Variants in PREX2 observed in about 807,000 individuals in gnomAD.
PREX2 encodes the protein phosphatidylinositol-3,4,5-trisphosphate dependent Rac exchange factor 2.
PREX2 carries 107 observed loss-of-function variants against 203.2 expected under a neutral mutation model. The ratio of observed to expected loss-of-function variants is 0.53; its 90% CI spans 0.45 to 0.62. PREX2 has a LOEUF of 0.62. Ranked by LOEUF, PREX2 falls within the 20% of genes least tolerant of loss-of-function variation. The pLI is 0.00. For missense variants in PREX2, 1,777 were observed against 1,955.9 expected (o/e 0.91, Z 1.72); for synonymous variants, 672 against 663.6 (o/e 1.01, Z -0.19).
At chr8:68,198,051 G>A (rs1812433476) in intron 37 of PREX2, among the ~76,000 whole-genome samples, 1 of 151,988 alleles carries the variant, frequency 6.6e-6, no homozygotes. Flanking sequence ...TAAAATCACT[G>A]TGTCAAAGAG....
chr8:68,206,275 C>T (rs971310654), intron 37 of PREX2, among the ~76,000 whole-genome samples: 6 of 152,226 alleles, frequency 3.9e-5, no homozygotes, highest in African/African-American at 1.2e-4. Context: ...AAAAGAGCAG[C>T]GTATGTGAAA....
In PREX2 at chr8:68,059,559, A is replaced by G. The variant is rs571291763; in HGVS notation, c.1239-1120A>G. Among the ~76,000 whole-genome samples the G allele has an allele frequency of 4.6e-5, 7 of 152,356 alleles. No homozygotes were observed. In the South Asian group the frequency reaches 1.0e-3, roughly 23 times the overall value. On this transcript the variant is annotated intron_variant, in intron 10 of 39. Transcript: ENST00000288368. ...CAAAACAATGTAGTAGAACTTTTCT[A>G]TGTCTTTTGGTGTACAGTAGTTTTC...
chr8:68,203,606 G>A (rs1812550829), intron 37 of PREX2, among the ~76,000 whole-genome samples: 1 of 152,148 alleles, frequency 6.6e-6, no homozygotes, highest in Non-Finnish European at 1.5e-5. Flanking sequence ...TATTCCAGGA[G>A]CAGGCATGGA....
intron 1 of PREX2, among the ~76,000 whole-genome samples, chr8:67,971,398 G>T (rs1282809313): frequency 2.0e-5 from 3 of 152,182 alleles, no homozygotes; most frequent in Non-Finnish European, 4.4e-5. Context: ...GGTGCGGGGA[G>T]AGAGGGTGGA....
At chr8:68,130,114 C>CAAAAAAAAA (rs71253064) in intron 31 of PREX2, among the ~76,000 whole-genome samples, 2 of 102,664 alleles carry the variant, frequency 1.9e-5, no homozygotes, top group East Asian at 2.8e-4. Flanking sequence ...CCTGCCTCTG[C>CAAAAAAAAA]AAAAAAAAAA....
intron 37 of PREX2, among the ~76,000 whole-genome samples, chr8:68,214,244 A>G (rs920880578): frequency 6.6e-6 from 1 of 152,120 alleles, no homozygotes; most frequent in Admixed American, 6.5e-5. Context: ...CACAAAAAAT[A>G]CAAAAGTTGG....
At chr8:68,180,189 A>T (rs1382430813) in intron 35 of PREX2, among the ~76,000 whole-genome samples, 1 of 151,786 alleles carries the variant, frequency 6.6e-6, no homozygotes, top group Non-Finnish European at 1.5e-5. Context: ...TCCTTTTCTC[A>T]CCCTTAAGAT....
At chr8:68,020,819 C>G (rs371496623) in intron 3 of PREX2, among the ~76,000 whole-genome samples, 1 of 152,188 alleles carries the variant, frequency 6.6e-6, no homozygotes, top group Non-Finnish European at 1.5e-5. Flanking sequence ...CCCTGACATC[C>G]ATTTCCTTAG....
chr8:68,028,831 A>T (rs1807803915), intron 5 of PREX2, among the ~76,000 whole-genome samples: 1 of 151,936 alleles, frequency 6.6e-6, no homozygotes, highest in Admixed American at 6.6e-5. Flanking sequence ...ATTCTAAATT[A>T]CTCATTTCTG....
chr8:68,139,185 AT>A (rs1811171397), intron 33 of PREX2, among the ~76,000 whole-genome samples: 1 of 152,216 alleles, frequency 6.6e-6, no homozygotes, highest in East Asian at 1.9e-4. Flanking sequence ...TGTGAAAGAT[AT>A]ATAGGGAAAC....
At chr8:68,137,717 A>G (rs1463028899) in intron 32 of PREX2, among the ~76,000 whole-genome samples, 1 of 152,252 alleles carries the variant, frequency 6.6e-6, no homozygotes, top group East Asian at 1.9e-4. Flanking sequence ...TAGTACCAGA[A>G]AGATGACATC....
intron 15 of PREX2, among the ~76,000 whole-genome samples, chr8:68,078,313 A>G (rs1386589488): frequency 6.6e-6 from 1 of 152,072 alleles, no homozygotes. Context: ...CTACAAGTGC[A>G]TGCCACCACG....
intron 31 of PREX2, among the ~76,000 whole-genome samples, chr8:68,128,886 G>A (rs16934193): frequency 0.044 from 6,655 of 152,228 alleles, 428 homozygotes; most frequent in African/African-American, 0.14. Context: ...TGAATGGACC[G>A]AGTTAACCAA....
chr8:68,001,078 CA>C (rs917366140), intron 1 of PREX2, among the ~76,000 whole-genome samples: 7 of 152,128 alleles, frequency 4.6e-5, no homozygotes, highest in African/African-American at 1.7e-4. Context: ...GCAATCATAA[CA>C]AAAGCAAAAA....
intron 7 of PREX2, among the ~76,000 whole-genome samples, chr8:68,040,297 A>G (rs1808159463): frequency 6.6e-6 from 1 of 151,988 alleles, no homozygotes; most frequent in African/African-American, 2.4e-5. Context: ...AAGTGCTGGG[A>G]CTATAGGCGT....
intron 37 of PREX2, among the ~76,000 whole-genome samples, chr8:68,212,331 A>T (rs956701544): frequency 6.6e-6 from 1 of 152,194 alleles, no homozygotes; most frequent in Non-Finnish European, 1.5e-5. Flanking sequence ...ACCTGATATT[A>T]TTCATCTGCT....
intron 37 of PREX2, among the ~76,000 whole-genome samples, chr8:68,193,219 A>T (rs1240875741): frequency 6.6e-6 from 1 of 152,234 alleles, no homozygotes; most frequent in Non-Finnish European, 1.5e-5. Context: ...ACAAGGAAAT[A>T]GAATCAAGTA....
intron 37 of PREX2, among the ~76,000 whole-genome samples, chr8:68,195,495 A>G (rs10504421): frequency 0.087 from 13,261 of 152,258 alleles, 606 homozygotes; most frequent in Middle Eastern, 0.15. Context: ...TTAATTTTTC[A>G]GTGAAGGCTA....
rs568428442 is a variant in PREX2, at chr8:68,112,867, C to T, written c.3147-2886C>T. Among the ~76,000 whole-genome samples, 3 of 152,218 alleles carry T rather than the reference C, an allele frequency of 2.0e-5. No homozygotes were observed. In the South Asian group the frequency reaches 6.2e-4, roughly 32 times the overall value. The stretch of plus-strand genomic sequence containing the variant: ...TTTTAGAGATTAAATGAATTCATAC[C>T]TGTTAAGGACTTAGCATCGTGACTG... On this transcript the variant is annotated intron_variant, in intron 25 of 39. Coordinates refer to ENST00000288368, the MANE Select transcript of PREX2 (RefSeq NM_024870.4).
Sources: gnomAD v4.1 joint callset for allele counts (sites outside exome capture counted in the v4.1 genomes callset) on GRCh38, gnomAD v4.1.1 for gene constraint, MANE v1.5 for transcripts, NCBI Gene and HGNC (gene_info 2026-07-23, HGNC 2026-07-21) for gene names.